Variants in ATE1 observed in about 807,000 individuals in gnomAD.
ATE1 encodes arginyltransferase 1, also known as arginyl-tRNA--protein transferase 1.
A neutral mutation model predicts 70.5 loss-of-function variants in ATE1; 36 were observed. The observed-to-expected ratio is 0.51, with a 90% CI of 0.39 to 0.67. ATE1 has a LOEUF of 0.67. Ranked by LOEUF, ATE1 falls within the 30% of genes least tolerant of loss-of-function variation. The pLI is 0.00. For synonymous variants in ATE1, 232 were observed against 219.3 expected (o/e 1.06, Z -0.51); for missense variants, 593 against 629.5 (o/e 0.94, Z 0.62).
intron 8 of ATE1, among the ~76,000 whole-genome samples, chr10:121,857,413 T>C (rs1949287288): frequency 6.6e-6 from 1 of 152,200 alleles, no homozygotes; most frequent in Non-Finnish European, 1.5e-5. Context: ...TCCAGCTGCA[T>C]CCATGCTGCT....
At chr10:121,780,805 A>G (rs1291598512) in intron 11 of ATE1, among the ~76,000 whole-genome samples, 3 of 151,740 alleles carry the variant, frequency 2.0e-5, no homozygotes, top group Admixed American at 1.3e-4. Context: ...GACCTTCTAC[A>G]CCCCGTCAAA....
intron 11 of ATE1, among the ~76,000 whole-genome samples, chr10:121,780,711 T>C (rs1419939007): frequency 6.6e-6 from 1 of 152,210 alleles, no homozygotes; most frequent in Non-Finnish European, 1.5e-5. Context: ...GAATATGTTG[T>C]TCTCTACCTG....
At chr10:121,823,441 C>A (rs1391653743) in intron 10 of ATE1, among the ~76,000 whole-genome samples, 1 of 152,152 alleles carries the variant, frequency 6.6e-6, no homozygotes, top group East Asian at 1.9e-4. Flanking sequence ...AAAACCTGTG[C>A]ATGAACTTGG....
intron 7 of ATE1, among the ~76,000 whole-genome samples, chr10:121,891,674 T>C (rs555582212): frequency 6.6e-6 from 1 of 152,326 alleles, no homozygotes; most frequent in South Asian, 2.1e-4. Context: ...ATATTTATCT[T>C]TGCATCAAAT....
intron 10 of ATE1, among the ~76,000 whole-genome samples, chr10:121,797,931 T>TACTTGTTA: frequency 6.6e-6 from 1 of 152,250 alleles, no homozygotes; most frequent in East Asian, 1.9e-4. Context: ...TATAGAAAAC[T>TACTTGTTA]ACTTGTTAGA....
In ATE1 at chr10:121,743,846, C is replaced by T. The variant is rs749513221; in HGVS notation, c.1391G>A (p.Arg464His). The T allele has an allele frequency of 2.7e-5, 43 of 1,605,174 alleles. No homozygotes were observed. In the East Asian group the frequency reaches 6.0e-4, roughly 23 times the overall value. Reference protein sequence around the residue: ...NQDPEAVDEDRSTEPDRLQVF... With the variant: ...NQDPEAVDEDHSTEPDRLQVF... ...CTGCAATCGGTCAGGTTCCGTACTG[C>T]GATCCTCATCCACTGCAACGACAAA... is the stretch of plus-strand genomic sequence containing the variant. Residue 464 changes from arginine to histidine, a missense_variant, in exon 12 of 12, where the codon CGC (arginine) becomes CAC (histidine). Around this residue, in one of 3 missense-constraint regions of ATE1, gnomAD observed 90 missense variants for 93.7 expected, o/e 0.96. Transcript: ENST00000224652.
At chr10:121,892,446 TA>T (rs1353282865) in intron 7 of ATE1, among the ~76,000 whole-genome samples, 1 of 151,512 alleles carries the variant, frequency 6.6e-6, no homozygotes, top group Non-Finnish European at 1.5e-5. Flanking sequence ...CAGTGCTCTT[TA>T]TTTGGAAAAG....
chr10:121,769,280 GTAAT>G (rs1344165342), intron 11 of ATE1, among the ~76,000 whole-genome samples: 2 of 152,158 alleles, frequency 1.3e-5, no homozygotes, highest in African/African-American at 4.8e-5. Context: ...AGTTGCAAAA[GTAAT>G]TCATGAAGGA....
chr10:121,810,063 T>C (rs373648507), intron 10 of ATE1, among the ~76,000 whole-genome samples: 1 of 152,198 alleles, frequency 6.6e-6, no homozygotes, highest in East Asian at 1.9e-4. Flanking sequence ...GCTCTGGACA[T>C]TCTGAAAAGA....
At chr10:121,862,383 T>C (rs776223011) in intron 8 of ATE1, among the ~76,000 whole-genome samples, 1 of 152,028 alleles carries the variant, frequency 6.6e-6, no homozygotes, top group Non-Finnish European at 1.5e-5. Flanking sequence ...TAGGTTCCTA[T>C]GGTTCTTTCT....
chr10:121,820,131 GACTCTGTCTCAAAAA>G (rs1947734927), intron 10 of ATE1, among the ~76,000 whole-genome samples: 3 of 151,944 alleles, frequency 2.0e-5, no homozygotes, highest in African/African-American at 7.3e-5. Context: ...GACAGAGTAA[GACTCTGTCTCAAAAA>G]ATAAACAAAA....
intron 4 of ATE1, among the ~76,000 whole-genome samples, chr10:121,912,005 CAA>C (rs1302830009): frequency 6.6e-6 from 1 of 152,070 alleles, no homozygotes; most frequent in Non-Finnish European, 1.5e-5. Flanking sequence ...CTCGGCCTCC[CAA>C]AGTGCTGGGA....
chr10:121,860,171 T>C (rs991483157), intron 8 of ATE1, among the ~76,000 whole-genome samples: 3 of 152,202 alleles, frequency 2.0e-5, no homozygotes, highest in African/African-American at 7.2e-5. Flanking sequence ...CACTTAGTTT[T>C]GAGGGACCTC....
At chr10:121,911,760 T>G (rs1425761091) in intron 4 of ATE1, among the ~76,000 whole-genome samples, 1 of 152,086 alleles carries the variant, frequency 6.6e-6, no homozygotes, top group African/African-American at 2.4e-5. Flanking sequence ...ACAGACTTTT[T>G]TTTTTTTGAG....
At chr10:121,751,176 T>C (rs1944563255) in intron 11 of ATE1, among the ~76,000 whole-genome samples, 1 of 152,252 alleles carries the variant, frequency 6.6e-6, no homozygotes, top group African/African-American at 2.4e-5. Flanking sequence ...AAAGTAATAC[T>C]GTTGTAATTT....
intron 10 of ATE1, among the ~76,000 whole-genome samples, chr10:121,805,712 T>C (rs1947068943): frequency 6.6e-6 from 1 of 152,166 alleles, no homozygotes; most frequent in African/African-American, 2.4e-5. Context: ...TACAAACAAT[T>C]GGAATCACAG....
intron 8 of ATE1, among the ~76,000 whole-genome samples, chr10:121,867,997 C>T (rs4752614): frequency 0.3 from 45,986 of 151,952 alleles, 8,275 homozygotes; most frequent in Middle Eastern, 0.42. Flanking sequence ...ACTACAATTA[C>T]TCAACCACAG....
At chr10:121,826,561 T>A (rs1014161185) in intron 10 of ATE1, among the ~76,000 whole-genome samples, 11 of 152,200 alleles carry the variant, frequency 7.2e-5, no homozygotes, top group Non-Finnish European at 1.6e-4. Context: ...CTCCTCGGCC[T>A]CCCAAAGTGC....
At chr10:121,906,398 G>A (rs554287904) in intron 5 of ATE1, among the ~76,000 whole-genome samples, 2 of 152,152 alleles carry the variant, frequency 1.3e-5, no homozygotes, top group South Asian at 2.1e-4. Flanking sequence ...GTGTAGTGAC[G>A]TGTACTGGTA....
Sources: gnomAD v4.1 joint callset for allele counts (sites outside exome capture counted in the v4.1 genomes callset) on GRCh38, gnomAD v4.1.1 for gene constraint, gnomAD v4.1.1 regional missense constraint, MANE v1.5 for transcripts, NCBI Gene and HGNC (gene_info 2026-07-23, HGNC 2026-07-21) for gene names.